Variants in AUTS2 observed in about 807,000 individuals in gnomAD.
AUTS2 encodes the protein autism susceptibility gene 2 protein.
Under a neutral mutation model 112.4 loss-of-function variants are expected in AUTS2, and 17 were observed. That is an observed-to-expected ratio of 0.15 (90% CI 0.10 to 0.23). The LOEUF (loss-of-function observed/expected upper bound fraction) is 0.23, where lower values mean the gene tolerates loss of function less well. Among genes scored for constraint, AUTS2 ranks in the 10% least tolerant of loss-of-function variants. AUTS2 has a pLI of 1.00. For synonymous variants in AUTS2, 751 were observed against 702.7 expected (o/e 1.07, Z -1.09); for missense variants, 1,510 against 1,701.6 (o/e 0.89, Z 1.98).
At chr7:69,749,546 G>C (rs1414742739) in intron 1 of AUTS2, among the ~76,000 whole-genome samples, 2 of 152,042 alleles carry the variant, frequency 1.3e-5, no homozygotes, top group East Asian at 1.9e-4. Flanking sequence ...GAATTTTTCT[G>C]TAAATAGCCA....
At chr7:70,640,083 T>C (rs892348800) in intron 5 of AUTS2, among the ~76,000 whole-genome samples, 5 of 152,146 alleles carry the variant, frequency 3.3e-5, no homozygotes, top group African/African-American at 9.7e-5. Context: ...ATGTTTATAC[T>C]CTTAACTCAG....
chr7:70,715,522 CTTTT>C (rs1373520588), intron 6 of AUTS2, among the ~76,000 whole-genome samples: 3 of 149,246 alleles, frequency 2.0e-5, no homozygotes, highest in Non-Finnish European at 1.5e-5. Context: ...CTTTTCTTTT[CTTTT>C]CTTTTCTTTT....
At chr7:70,337,291 C>T (rs1478244319) in intron 4 of AUTS2, among the ~76,000 whole-genome samples, 3 of 152,146 alleles carry the variant, frequency 2.0e-5, no homozygotes, top group Non-Finnish European at 4.4e-5. Flanking sequence ...AGTTAGGCTT[C>T]AAAATACCAA....
intron 6 of AUTS2, among the ~76,000 whole-genome samples, chr7:70,714,825 C>T (rs1440008366): frequency 6.6e-6 from 1 of 152,202 alleles, no homozygotes; most frequent in Non-Finnish European, 1.5e-5. Flanking sequence ...GGCATTGCAA[C>T]GAACCTCATG....
intron 5 of AUTS2, among the ~76,000 whole-genome samples, chr7:70,674,586 G>A (rs1247504739): frequency 6.6e-6 from 1 of 152,194 alleles, no homozygotes; most frequent in African/African-American, 2.4e-5. Flanking sequence ...GCGGCACCTG[G>A]TAGCCACTGA....
At chr7:69,937,247 T>C (rs569683951) in intron 2 of AUTS2, among the ~76,000 whole-genome samples, 12 of 152,300 alleles carry the variant, frequency 7.9e-5, no homozygotes, top group Admixed American at 3.3e-4. Context: ...GGCAGCTCAT[T>C]AAACCACTTT....
chr7:69,682,451 G>C (rs1796841529), intron 1 of AUTS2, among the ~76,000 whole-genome samples: 1 of 152,114 alleles, frequency 6.6e-6, no homozygotes, highest in East Asian at 1.9e-4. Flanking sequence ...CAGCCTTCCA[G>C]GGTGACCTGA....
intron 12 of AUTS2, 74 bp from the exon 13 acceptor site, chr7:70,775,283 C>A: frequency 1.7e-6 from 2 of 1,193,810 alleles, no homozygotes; most frequent in Admixed American, 1.9e-5. Flanking sequence ...CCTAATGAAG[C>A]ACTACAAATT....
At chr7:70,545,924 C>G in intron 5 of AUTS2, among the ~76,000 whole-genome samples, 1 of 152,118 alleles carries the variant, frequency 6.6e-6, no homozygotes, top group Admixed American at 6.5e-5. Flanking sequence ...TTGTGTAAGT[C>G]TGGAAATGGT....
chr7:70,789,358 C>T (rs1403558011), intron 18 of AUTS2, among the ~76,000 whole-genome samples: 1 of 152,188 alleles, frequency 6.6e-6, no homozygotes, highest in Non-Finnish European at 1.5e-5. Context: ...TGATTCTTTA[C>T]ACTAGATGAT....
chr7:70,671,487 T>C (rs2129544067), intron 5 of AUTS2, among the ~76,000 whole-genome samples: 1 of 152,374 alleles, frequency 6.6e-6, no homozygotes, highest in Admixed American at 6.5e-5. Flanking sequence ...TTTGAGTTCC[T>C]ACTATGTGTA....
intron 2 of AUTS2, among the ~76,000 whole-genome samples, chr7:69,989,527 G>A (rs905754183): frequency 7.7e-6 from 1 of 129,438 alleles, no homozygotes; most frequent in African/African-American, 3.2e-5. Flanking sequence ...GGGATGAGAG[G>A]GAAGGAGAGA....
intron 2 of AUTS2, among the ~76,000 whole-genome samples, chr7:70,107,584 C>G (rs559208849): frequency 6.7e-6 from 1 of 149,724 alleles, no homozygotes; most frequent in Non-Finnish European, 1.5e-5. Context: ...CCTCGTGATC[C>G]GCCCATCTCG....
chr7:69,983,340 CT>C (rs79738510), intron 2 of AUTS2, among the ~76,000 whole-genome samples: 6,659 of 143,514 alleles, frequency 0.046, 143 homozygotes, highest in Middle Eastern at 0.14. Flanking sequence ...TTTATATAAA[CT>C]TTTTTTTTTT....
chr7:70,087,570 C>T (rs1206296055), intron 2 of AUTS2, among the ~76,000 whole-genome samples: 2 of 151,834 alleles, frequency 1.3e-5, no homozygotes, highest in Non-Finnish European at 1.5e-5. Context: ...GGGGTTTTAC[C>T]ATGTTAGCCA....
At chr7:70,731,420 C>CTCTT (rs1787379858) in intron 6 of AUTS2, among the ~76,000 whole-genome samples, 1 of 69,480 alleles carries the variant, frequency 1.4e-5, no homozygotes, top group Non-Finnish European at 2.5e-5. Context: ...TTACCCAGAT[C>CTCTT]TTTTTTTTTT....
At chr7:70,149,816 G>C (rs114405323) in intron 4 of AUTS2, among the ~76,000 whole-genome samples, 1 of 151,966 alleles carries the variant, frequency 6.6e-6, no homozygotes, top group African/African-American at 2.4e-5. Context: ...TGGAAATTAT[G>C]CTCAAGCCAA....
chr7:70,479,602 A>G (rs548017789), intron 5 of AUTS2, among the ~76,000 whole-genome samples: 43 of 151,958 alleles, frequency 2.8e-4, no homozygotes, highest in African/African-American at 9.4e-4. Context: ...ACCAGCATGA[A>G]TCGCTTTTGC....
intron 5 of AUTS2, among the ~76,000 whole-genome samples, chr7:70,684,021 C>G (rs988415175): frequency 6.6e-6 from 1 of 152,136 alleles, no homozygotes; most frequent in African/African-American, 2.4e-5. Context: ...AGCTACTACC[C>G]CAGCAAGTGT....
Sources: allele counts gnomAD v4.1 joint callset (sites outside exome capture counted in the v4.1 genomes callset), GRCh38; gene constraint gnomAD v4.1.1; transcripts MANE v1.5; gene names NCBI Gene and HGNC (gene_info 2026-07-23, HGNC 2026-07-21).